The following MARS1 variants were observed in gnomAD, a reference collection of about 807,000 sequenced individuals.
The protein encoded by MARS1 is methionine--tRNA ligase, cytoplasmic.
Under a neutral mutation model 119.5 loss-of-function variants are expected in MARS1, and 80 were observed. The observed-to-expected ratio is 0.67, with a 90% CI of 0.56 to 0.81. MARS1 has a LOEUF of 0.81. Among genes scored for constraint, MARS1 ranks in the 30% least tolerant of loss-of-function variants. The pLI is 0.00. For missense variants in MARS1, 945 were observed against 1,116.5 expected (o/e 0.85, Z 2.19); for synonymous variants, 418 against 433.4 (o/e 0.96, Z 0.44).
At chr12:57,500,051 G>A (rs1053989881) in intron 9 of MARS1, 6 of 431,410 alleles carry the variant, frequency 1.4e-5, no homozygotes, top group Non-Finnish European at 2.2e-5. Flanking sequence ...TTTTGTTAAT[G>A]AAAAATACAA....
intron 11 of MARS1, among the ~76,000 whole-genome samples, chr12:57,508,036 G>C (rs1399256124): frequency 1.3e-5 from 2 of 152,104 alleles, no homozygotes; most frequent in East Asian, 3.9e-4. Flanking sequence ...CGGCGGGGCA[G>C]AGGCGCTCCC....
intron 11 of MARS1, among the ~76,000 whole-genome samples, chr12:57,509,085 C>A (rs1034002507): frequency 9.9e-5 from 15 of 151,586 alleles, no homozygotes; most frequent in African/African-American, 3.6e-4. Flanking sequence ...CTATTTTTTT[C>A]AATTTCTTAT....
At chr12:57,499,685 G>C (rs1040842196) in intron 9 of MARS1, among the ~76,000 whole-genome samples, 1 of 151,828 alleles carries the variant, frequency 6.6e-6, no homozygotes, top group African/African-American at 2.4e-5. Flanking sequence ...TGGATCACGA[G>C]GTCAGGAGTT....
Position 57,516,306 on chromosome 12 carries a change from T to C in MARS1, c.2525T>C (p.Ile842Thr). Reference sequence around the variant, plus strand: ...GTTACAACAGCCAAGCCACAGCAGATACAAGCGCTGATGGATGAAGTGACA... The same window carrying C: ...GTTACAACAGCCAAGCCACAGCAGACACAAGCGCTGATGGATGAAGTGACA... ...ETVTTAKPQQ[I>T]QALMDEVTKQ... The change falls in exon 20 of 21, where the codon ATA becomes ACA. Residue 842 changes from isoleucine to threonine, a missense_variant. Physicochemically the swap from Ile to Thr is moderately conservative, Grantham distance 89 (BLOSUM62 -1). Transcript: ENST00000262027. The C allele has an allele frequency of 6.2e-7, 1 of 1,614,166 alleles. No individual in the cohort carries two copies. The highest frequency in any genetic ancestry group is 1.7e-5 in the Admixed American group (1 of 60,020).
intron 15 of MARS1, among the ~76,000 whole-genome samples, chr12:57,513,496 C>T (rs1223837151): frequency 6.6e-6 from 1 of 151,738 alleles, no homozygotes; most frequent in East Asian, 1.9e-4. Context: ...CACCTGTAGT[C>T]CCAGCCACTC....
Position 57,490,632 on chromosome 12 carries a change from A to G in MARS1, c.758A>G (p.Gln253Arg), listed in dbSNP as rs766953354. 3 of 1,613,962 alleles carry G rather than the reference A, an allele frequency of 1.9e-6. No homozygotes were observed. In the African/African-American group the frequency reaches 4.0e-5, roughly 22 times the overall value. ...GAAAGTTTGCCCCCGCTGCGGCCCC[A>G]GCAGAATCCAGTGTGAGTAGACATG... Reference protein sequence around the residue: ...GLESLPPLRPQQNPVLPVAGE... With the variant: ...GLESLPPLRPRQNPVLPVAGE... The change falls in exon 7 of 21, where the codon CAG becomes CGG. Residue 253 changes from glutamine (Q) to arginine (R), a missense_variant. By Grantham distance (43) the Gln-to-Arg change is conservative. Transcript: ENST00000262027.
rs1252271650 is a variant in MARS1, at chr12:57,493,712, ATATAT to A, written c.770+3074_770+3078del. On this transcript the variant is annotated intron_variant, in intron 7 of 20. Coordinates refer to ENST00000262027, the MANE Select transcript of MARS1 (RefSeq NM_004990.4). ...TATATATTATATATTATAATATATT[ATATAT>A]TATATATTATATTATATAATATATA... Among the ~76,000 whole-genome samples, 15 of 5,570 alleles carry A rather than the reference ATATAT, an allele frequency of 2.7e-3. 5 individuals carry two copies. The South Asian group carries it at 0.035, about 13-fold the overall frequency. The allele number at this position is 5,570 out of a possible 152,430, so 3.7% of individuals were successfully genotyped here.
At chr12:57,504,011 C>T (rs139193396) in intron 10 of MARS1, 2 of 577,776 alleles carry the variant, frequency 3.5e-6, no homozygotes, top group Non-Finnish European at 6.2e-6. Flanking sequence ...TGTGATGGGA[C>T]AGAGATCTGA....
intron 11 of MARS1, among the ~76,000 whole-genome samples, chr12:57,505,147 C>T (rs1648721514): frequency 6.6e-6 from 1 of 150,948 alleles, no homozygotes. Flanking sequence ...CTGTGTCCAG[C>T]ATTGACCTCC....
chr12:57,496,240 G>A (rs929217107), intron 7 of MARS1, among the ~76,000 whole-genome samples: 4 of 150,186 alleles, frequency 2.7e-5, no homozygotes, highest in Non-Finnish European at 4.4e-5. Flanking sequence ...CTAGGCTCAC[G>A]GCAACCTCTG....
In MARS1 at chr12:57,489,405, C is replaced by T. The variant is rs760171814; in HGVS notation, c.280-19C>T. 1.2e-5 allele frequency: 19 copies of T among 1,614,180 alleles called. No homozygotes were observed. The highest frequency in any genetic ancestry group is 3.3e-5 in the Admixed American group (2 of 60,028). ...CTTGTTCTGCGTGGCCATCCTGACT[C>T]ATGTCCCCTGCATTTTAGCCAGCTT... On this transcript the variant is annotated intron_variant, in intron 3 of 20. Transcript: ENST00000262027.
intron 7 of MARS1, among the ~76,000 whole-genome samples, chr12:57,495,374 G>A (rs1274012617): frequency 1.2e-4 from 17 of 145,922 alleles, no homozygotes; most frequent in South Asian, 2.1e-4. Flanking sequence ...GGTCGCGGCC[G>A]GGCAGAGGCG....
intron 10 of MARS1, among the ~76,000 whole-genome samples, chr12:57,501,208 T>A (rs1386641751): frequency 6.6e-6 from 1 of 152,208 alleles, no homozygotes; most frequent in Non-Finnish European, 1.5e-5. Context: ...AAAGGCAGAA[T>A]TGGCAAGGCC....
At position 57,512,751 on chromosome 12, in the gene MARS1, A is replaced by C; in HGVS notation, c.1754A>C (p.Glu585Ala). ...TTCTCACTCATTCTCCTCTGTCCAG[A>C]GTACCTGAACTATGAGGATGGGAAA... ...YTLVSHLIAT[E>A]YLNYEDGKFS... is the part of the protein sequence containing the mutation. Residue 585 changes from glutamate (E) to alanine (A), a missense_variant and splice_region_variant, in exon 15 of 21, where the codon GAG becomes GCG. Coordinates refer to ENST00000262027, the MANE Select transcript of MARS1 (RefSeq NM_004990.4). 1.2e-6 allele frequency: 2 copies of C among 1,613,182 alleles called. No individual in the cohort carries two copies. The highest frequency in any genetic ancestry group is 1.7e-6 in the Non-Finnish European group (2 of 1,179,126).
At chr12:57,513,922 G>T (rs1877644182) in intron 15 of MARS1, among the ~76,000 whole-genome samples, 1 of 151,420 alleles carries the variant, frequency 6.6e-6, no homozygotes, top group Non-Finnish European at 1.5e-5. Flanking sequence ...AAGTAGCCGG[G>T]CGTGGTGGCG....
chr12:57,504,467 C>T (rs1326763870), intron 11 of MARS1, among the ~76,000 whole-genome samples, 168 bp downstream of exon 11: 1 of 152,162 alleles, frequency 6.6e-6, no homozygotes, highest in Non-Finnish European at 1.5e-5. Flanking sequence ...AAAGTGAAAG[C>T]CCCAGGCCCA....
intron 15 of MARS1, 67 bp downstream of exon 15, chr12:57,513,031 G>A: frequency 1.5e-6 from 2 of 1,349,464 alleles, no homozygotes; most frequent in Non-Finnish European, 2.1e-6. Flanking sequence ...CTCAGGAGAT[G>A]GGAATGTGGA....
chr12:57,498,216 A>G lies in MARS1; in HGVS notation c.830A>G (p.Asn277Ser). 1 of 1,614,160 alleles carries G rather than the reference A, an allele frequency of 6.2e-7. No individual in the cohort carries two copies. Among genetic ancestry groups the G allele is most frequent in the Non-Finnish European group, 8.5e-7 (1 of 1,180,032 alleles). The change falls in exon 8 of 21, where the codon AAT becomes AGT. Residue 277 changes from asparagine to serine, a missense_variant. Asn to Ser is a conservative substitution (Grantham distance 46). Transcript: ENST00000262027. ...ACCAGTGCCCTCCCTTACGTCAACA[A>G]TGTCCCCCACCTTGGGAACATCATT... ...LITSALPYVN[N>S]VPHLGNIIGC...
At position 57,514,841 on chromosome 12, in the gene MARS1, G is replaced by A. The variant is rs1877703211; in HGVS notation, c.2089G>A (p.Glu697Lys). ...GCTCCAGCACTATCACCAGCTACTT[G>A]AGAAGGTTCGGTAAGTAACTGACAC... ...LELQHYHQLL[E>K]KVRIRDALRS... Residue 697 changes from glutamate (E) to lysine (K), a missense_variant, in exon 16 of 21, where the codon GAG (glutamate) becomes AAG (lysine). Coordinates refer to ENST00000262027, the MANE Select transcript of MARS1 (RefSeq NM_004990.4). The A allele has an allele frequency of 1.2e-6, 2 of 1,613,998 alleles. No individual in the cohort carries two copies. Among genetic ancestry groups the A allele is most frequent in the South Asian group, 1.1e-5 (1 of 91,080 alleles).
Sources: gnomAD v4.1 joint callset for allele counts (sites outside exome capture counted in the v4.1 genomes callset) on GRCh38, gnomAD v4.1.1 for gene constraint, MANE v1.5 for transcripts, NCBI Gene and HGNC (gene_info 2026-07-23, HGNC 2026-07-21) for gene names.